SBF2: variants seen among roughly 807,000 people sequenced by gnomAD.
SBF2 encodes the protein SET binding factor 2.
A neutral mutation model predicts 225.2 loss-of-function variants in SBF2; 112 were observed. The ratio of observed to expected loss-of-function variants is 0.50; its 90% confidence interval spans 0.43 to 0.58. SBF2 has a LOEUF of 0.58. Ranked by LOEUF, SBF2 falls within the 20% of genes least tolerant of loss-of-function variation. SBF2 has a pLI of 0.00. For missense variants in SBF2, 1,996 were observed against 2,206.2 expected (o/e 0.90, Z 1.91); for synonymous variants, 763 against 773.3 (o/e 0.99, Z 0.22).
intron 16 of SBF2, among the ~76,000 whole-genome samples, chr11:9,927,684 T>C (rs1279106482): frequency 6.6e-6 from 1 of 152,144 alleles, no homozygotes; most frequent in Non-Finnish European, 1.5e-5. Context: ...AAAAACTATC[T>C]GATCACCTTA....
At chr11:10,173,849 G>A (rs2135258509) in intron 2 of SBF2, among the ~76,000 whole-genome samples, 1 of 151,424 alleles carries the variant, frequency 6.6e-6, no homozygotes, top group Admixed American at 6.6e-5. Context: ...GTGGGTCCCT[G>A]ACCCCTGACC....
At chr11:10,181,771 G>C (rs900485504) in intron 2 of SBF2, among the ~76,000 whole-genome samples, 3 of 152,090 alleles carry the variant, frequency 2.0e-5, no homozygotes, top group African/African-American at 7.2e-5. Context: ...GGCATTTCTT[G>C]AAAGTGAGGA....
intron 22 of SBF2, 27 bp from the exon 23 acceptor site, chr11:9,847,110 GCAA>G (rs780855885): frequency 2.5e-6 from 4 of 1,613,322 alleles, no homozygotes; most frequent in Non-Finnish European, 2.5e-6. Context: ...CACAGCTTCA[GCAA>G]CAACACTTTA....
At chr11:10,063,858 C>CACACAGAGAGAGAGAGAGAGAGAG (rs373423157) in intron 2 of SBF2, among the ~76,000 whole-genome samples, 27 of 136,230 alleles carry the variant, frequency 2.0e-4, no homozygotes, top group Admixed American at 7.7e-4. Context: ...CACACACACA[C>CACACAGAGAGAGAGAGAGAGAGAG]AGAGAGAGAG....
At chr11:10,195,682 T>C (rs1957331639) in intron 1 of SBF2, among the ~76,000 whole-genome samples, 1 of 152,290 alleles carries the variant, frequency 6.6e-6, no homozygotes, top group Non-Finnish European at 1.5e-5. Context: ...TTTTTATGTT[T>C]AAAATATAAA....
In SBF2 at chr11:9,908,618, C is replaced by T. The variant is rs576622498; in HGVS notation, c.1861-12607G>A. ...CTCCAGCCTAGGCGACAGAGCGAGA[C>T]TCCGTCTCAAAAAAAAAAAGTCTTA... On this transcript the variant is annotated intron_variant, in intron 16 of 39. Transcript: ENST00000256190. Among the ~76,000 whole-genome samples the T allele has an allele frequency of 2.0e-5, 3 of 152,164 alleles. No homozygotes were observed. The South Asian group carries it at 6.2e-4, about 32-fold the overall frequency.
chr11:10,251,210 C>T (rs1205927915), intron 1 of SBF2, among the ~76,000 whole-genome samples: 1 of 152,266 alleles, frequency 6.6e-6, no homozygotes, highest in Middle Eastern at 3.4e-3. Context: ...CATAATCAGT[C>T]AAAACTCTCT....
At chr11:9,936,741 G>A (rs56204387) in intron 16 of SBF2, among the ~76,000 whole-genome samples, 6,688 of 152,234 alleles carry the variant, frequency 0.044, 204 homozygotes, top group Non-Finnish European at 0.07. Flanking sequence ...TCATAGGTGG[G>A]AATTGAACAA....
At chr11:10,058,492 A>G (rs145791812) in intron 2 of SBF2, among the ~76,000 whole-genome samples, 85 of 152,348 alleles carry the variant, frequency 5.6e-4, no homozygotes, top group African/African-American at 2.0e-3. Context: ...GGAATGAACA[A>G]AACTTTCAAG....
chr11:10,012,005 C>T (rs1164599556), intron 6 of SBF2, among the ~76,000 whole-genome samples: 2 of 152,200 alleles, frequency 1.3e-5, no homozygotes, highest in Non-Finnish European at 2.9e-5. Flanking sequence ...TCAAAGGTCT[C>T]TGAGAATCTG....
chr11:10,297,451 T>C (rs1380686336), upstream of SBF2, among the ~76,000 whole-genome samples: 2 of 152,240 alleles, frequency 1.3e-5, no homozygotes, highest in Admixed American at 1.3e-4. Context: ...TTTAGTGTTA[T>C]ATCTAAAAAA....
chr11:10,240,112 T>C (rs1033260708), intron 1 of SBF2, among the ~76,000 whole-genome samples: 2 of 152,054 alleles, frequency 1.3e-5, no homozygotes, highest in African/African-American at 2.4e-5. Flanking sequence ...CAATAATACA[T>C]GAGACAAAAG....
At chr11:9,812,191 C>G (rs997566371) in intron 30 of SBF2, among the ~76,000 whole-genome samples, 1 of 152,014 alleles carries the variant, frequency 6.6e-6, no homozygotes, top group African/African-American at 2.4e-5. Context: ...GCCCTGGATC[C>G]TTACTGTATT....
chr11:9,851,311 G>A (rs552559824), intron 21 of SBF2, among the ~76,000 whole-genome samples: 145 of 152,292 alleles, frequency 9.5e-4, no homozygotes, highest in African/African-American at 3.1e-3. Flanking sequence ...GGAGGTGGAG[G>A]TAGTATAGGG....
chr11:9,839,069 T>A, intron 26 of SBF2: 1 of 249,544 alleles, frequency 4.0e-6, no homozygotes, highest in Non-Finnish European at 7.9e-6. Context: ...TGCGGCACAG[T>A]TGAATAGCTG....
intron 20 of SBF2, among the ~76,000 whole-genome samples, chr11:9,853,007 A>C (rs1857067054): frequency 6.6e-6 from 1 of 152,220 alleles, no homozygotes; most frequent in Admixed American, 6.5e-5. Flanking sequence ...AGTAACTCAA[A>C]TGTCCATCAA....
intron 13 of SBF2, among the ~76,000 whole-genome samples, chr11:9,971,745 T>G (rs1017092345): frequency 1.3e-5 from 2 of 151,930 alleles, no homozygotes; most frequent in African/African-American, 4.8e-5. Context: ...CTCTAAAGAG[T>G]TGGTCCTATA....
At chr11:9,820,812 T>C (rs761946624) in intron 28 of SBF2, among the ~76,000 whole-genome samples, 1 of 152,224 alleles carries the variant, frequency 6.6e-6, no homozygotes, top group Non-Finnish European at 1.5e-5. Context: ...TCCAGTTCAC[T>C]ACGTCAAAAG....
At chr11:10,039,362 C>T (rs1336753559) in intron 3 of SBF2, among the ~76,000 whole-genome samples, 6 of 150,218 alleles carry the variant, frequency 4.0e-5, no homozygotes, top group Admixed American at 1.3e-4. Flanking sequence ...ATTTTTTTTT[C>T]AAATTCTGCT....
Sources: gnomAD v4.1 joint callset for allele counts (sites outside exome capture counted in the v4.1 genomes callset) on GRCh38, gnomAD v4.1.1 for gene constraint, MANE v1.5 for transcripts, NCBI Gene and HGNC (gene_info 2026-07-23, HGNC 2026-07-21) for gene names.